The following RAI1 variants were observed in gnomAD, a reference collection of about 807,000 sequenced individuals.
RAI1 encodes retinoic acid induced 1.
In RAI1, 9 loss-of-function variants were observed where a neutral mutation model predicts 123.8. That is an observed-to-expected ratio of 0.07 (90% CI 0.04 to 0.13). The LOEUF (loss-of-function observed/expected upper bound fraction) is 0.13, where lower values mean the gene tolerates loss of function less well. RAI1 is among the 10% of genes least tolerant of loss of function. The probability of loss-of-function intolerance (pLI) is 1.00; values close to 1 mark genes in which losing one functional copy is unlikely to be tolerated. For synonymous variants in RAI1, 1,231 were observed against 1,127.3 expected (o/e 1.09, Z -1.84); for missense variants, 2,256 against 2,545.8 (o/e 0.89, Z 2.45).
At chr17:17,798,945 A>G (rs988589955) in intron 3 of RAI1, among the ~76,000 whole-genome samples, 7 of 152,206 alleles carry the variant, frequency 4.6e-5, no homozygotes, top group African/African-American at 1.7e-4. Flanking sequence ...TCCTGTCTCC[A>G]TTGCCTCTGG....
chr17:17,690,599 G>A (rs1029885751), intron 1 of RAI1, among the ~76,000 whole-genome samples: 2 of 152,156 alleles, frequency 1.3e-5, no homozygotes, highest in African/African-American at 4.8e-5. Flanking sequence ...GATCAAATGA[G>A]ATAGGGCCTC....
At position 17,797,807 on chromosome 17, in the gene RAI1, C is replaced by G. The variant is rs755954506; in HGVS notation, c.4859C>G (p.Ala1620Gly). 2 of 1,614,034 alleles carry G rather than the reference C, an allele frequency of 1.2e-6. No individual in the cohort carries two copies. Among genetic ancestry groups the G allele is most frequent in the East Asian group, 4.5e-5 (2 of 44,858 alleles). The change falls in exon 3 of 6, where the codon GCG becomes GGG. Residue 1620 changes from alanine to glycine, a missense_variant. Coordinates refer to ENST00000353383, the MANE Select transcript of RAI1 (RefSeq NM_030665.4). ...ICTVVNSPGD[A>G]PKPHRKPSSS... is the part of the protein sequence containing the mutation. ...ACTGTTGTCAACTCCCCTGGAGATGCGCCCAAGCCCCACAGGAAGCCTTCC... is the reference window on the plus strand; with the variant it reads ...ACTGTTGTCAACTCCCCTGGAGATGGGCCCAAGCCCCACAGGAAGCCTTCC...
chr17:17,694,165 T>C (rs986321548), intron 1 of RAI1, among the ~76,000 whole-genome samples: 1 of 152,128 alleles, frequency 6.6e-6, no homozygotes, highest in African/African-American at 2.4e-5. Context: ...CGACTTCTGC[T>C]TAGATCTGTG....
At chr17:17,752,206 C>T (rs1052149080) in intron 2 of RAI1, among the ~76,000 whole-genome samples, 1 of 152,112 alleles carries the variant, frequency 6.6e-6, no homozygotes, top group African/African-American at 2.4e-5. Flanking sequence ...GGGCGCGGGG[C>T]GGCGCGCGGG....
intron 1 of RAI1, among the ~76,000 whole-genome samples, chr17:17,698,505 G>T (rs1036446203): frequency 1.3e-5 from 2 of 152,086 alleles, no homozygotes; most frequent in African/African-American, 4.8e-5. Context: ...CCTTTATATT[G>T]AATGTGTCTG....
At chr17:17,694,306 C>T (rs1337753671) in intron 1 of RAI1, among the ~76,000 whole-genome samples, 3 of 152,168 alleles carry the variant, frequency 2.0e-5, no homozygotes, top group Non-Finnish European at 4.4e-5. Flanking sequence ...CTGCCCCCTC[C>T]TCGTCGCGGT....
chr17:17,690,722 C>CT (rs1397073636), intron 1 of RAI1, among the ~76,000 whole-genome samples: 1 of 152,196 alleles, frequency 6.6e-6, no homozygotes, highest in East Asian at 1.9e-4. Flanking sequence ...TGAAAGATTT[C>CT]TTAGGAGCTA....
Position 17,797,344 on chromosome 17 carries a change from C to T in RAI1, c.4396C>T (p.Arg1466Trp), listed in dbSNP as rs773428107. 24 of 1,612,164 alleles carry T rather than the reference C, an allele frequency of 1.5e-5. No homozygotes were observed. Among genetic ancestry groups the T allele is most frequent in the Admixed American group, 8.3e-5 (5 of 59,916 alleles). ...ACTCTCCAAAGGCCCGCTGGAGAAG[C>T]GGCCCTATCTTGGCCCGGCTCTGCT... ...HGLSKGPLEK[R>W]PYLGPALLLT... Residue 1466 changes from arginine (R) to tryptophan (W), a missense_variant, in exon 3 of 6, where the codon CGG becomes TGG. Physicochemically the swap from Arg to Trp is moderately radical, Grantham distance 101 (BLOSUM62 -3). Coordinates refer to ENST00000353383, the MANE Select transcript of RAI1 (RefSeq NM_030665.4).
intron 1 of RAI1, among the ~76,000 whole-genome samples, chr17:17,687,727 T>C (rs1021445432): frequency 2.6e-5 from 4 of 152,236 alleles, no homozygotes; most frequent in South Asian, 4.2e-4. Context: ...GAACGGGCTT[T>C]GTTGTAAGCA....
chr17:17,792,881 ATCCTCCCCTCCC>A, intron 2 of RAI1, 40 bp from the exon 3 acceptor site: 1 of 304,086 alleles, frequency 3.3e-6, no homozygotes, highest in Non-Finnish European at 6.5e-6. Context: ...CTCCCTGCCC[ATCCTCCCCTCCC>A]TCCTTCCCTC....
intron 2 of RAI1, among the ~76,000 whole-genome samples, chr17:17,750,094 A>AT (rs1234092482): frequency 6.6e-6 from 1 of 152,202 alleles, no homozygotes; most frequent in African/African-American, 2.4e-5. Context: ...CTGGAAGGAG[A>AT]TATCACTTGC....
intron 2 of RAI1, among the ~76,000 whole-genome samples, chr17:17,761,124 A>G (rs2030679938): frequency 6.6e-6 from 1 of 152,222 alleles, no homozygotes; most frequent in Non-Finnish European, 1.5e-5. Context: ...TCATCTTTAC[A>G]GTGGAAATGA....
chr17:17,792,991 C>G lies in RAI1; in HGVS notation c.43C>G (p.Gln15Glu). 1 of 1,536,348 alleles carries G rather than the reference C, an allele frequency of 6.5e-7. No homozygotes were observed. The highest frequency in any genetic ancestry group is 1.1e-5 in the South Asian group (1 of 90,132). Residue 15 changes from glutamine to glutamate, a missense_variant, in exon 3 of 6, where the codon CAG becomes GAG. This residue lies in a region of RAI1 where 336 missense variants were observed against 349.8 expected (regional missense o/e 0.96). Transcript: ENST00000353383. ...AAGGTGTGGTTTCCATGGCAAACAA[C>G]AGAACTACCAGCAGACCTCGCAGGA... ...RERCGFHGKQ[Q>E]NYQQTSQETS...
In RAI1 at chr17:17,796,768, T is replaced by C. The variant is rs571691450; in HGVS notation, c.3820T>C (p.Ser1274Pro). 19 of 1,613,056 alleles carry C rather than the reference T, an allele frequency of 1.2e-5. No individual in the cohort carries two copies. In the East Asian group the frequency reaches 3.1e-4, roughly 27 times the overall value. Residue 1274 changes from serine (S) to proline (P), a missense_variant, in exon 3 of 6, where the codon TCT (serine) becomes CCT (proline). Physicochemically the swap from Ser to Pro is moderately conservative, Grantham distance 74. Around this residue, in one of 7 missense-constraint regions of RAI1, gnomAD observed 322 missense variants for 358.0 expected, o/e 0.90. Transcript: ENST00000353383. The surrounding 1 kb of genome is among the most constrained non-coding windows in gnomAD (Gnocchi z 5.8). ...EGSPTLFKRM[S>P]SPKKAKPTKG... ...TTCCCCCACCCTCTTCAAGAGGATG[T>C]CTTCTCCCAAGAAAGCCAAGCCCAC... is the stretch of plus-strand genomic sequence containing the variant.
At chr17:17,785,895 C>G (rs973789681) in intron 2 of RAI1, among the ~76,000 whole-genome samples, 4 of 152,214 alleles carry the variant, frequency 2.6e-5, no homozygotes, top group African/African-American at 9.7e-5. Flanking sequence ...ACCCCAGGAG[C>G]TTGTGATCAA....
rs1429662998 is a variant in RAI1, at chr17:17,681,772, C to T, written c.-170C>T. On this transcript the variant is annotated 5_prime_UTR_variant, in exon 1 of 6. Transcript: ENST00000353383. ...AGTCGCAGCGCCAGACCCAAGGCCCCCGAGTGAGCGCGGGCGCCGAGGTGA... is the reference window on the plus strand; with the variant it reads ...AGTCGCAGCGCCAGACCCAAGGCCCTCGAGTGAGCGCGGGCGCCGAGGTGA... The T allele has an allele frequency of 1.2e-5, 4 of 327,864 alleles. No homozygotes were observed. Among genetic ancestry groups the T allele is most frequent in the Non-Finnish European group, 2.2e-5 (4 of 179,842 alleles). The allele number at this position is 327,864 out of a possible 1,614,324, so 20.3% of individuals were successfully genotyped here.
At chr17:17,782,820 G>A (rs1339075718) in intron 2 of RAI1, among the ~76,000 whole-genome samples, 2 of 152,174 alleles carry the variant, frequency 1.3e-5, no homozygotes, top group East Asian at 1.9e-4. Flanking sequence ...GCGCCAAGAG[G>A]GCAGCACGGG....
rs528269406 is a variant in RAI1, at chr17:17,810,222, G to A, written c.*241G>A. 76 of 587,006 alleles carry A rather than the reference G, an allele frequency of 1.3e-4. No homozygotes were observed. The highest frequency in any genetic ancestry group is 1.1e-3 in the African/African-American group (57 of 50,774). The allele number at this position is 587,006 out of a possible 1,614,324, so 36.4% of individuals were successfully genotyped here. ...CTCCCGGAACCGGACGGCACAGGGC[G>A]TTCTTGCCCACCCCAGGGGCCAGGC... On this transcript the variant is annotated 3_prime_UTR_variant, in exon 6 of 6. Transcript: ENST00000353383. The surrounding 1 kb of genome is among the most constrained non-coding windows in gnomAD (Gnocchi z 4.6).
At chr17:17,766,920 A>G (rs2030956541) in intron 2 of RAI1, among the ~76,000 whole-genome samples, 2 of 147,342 alleles carry the variant, frequency 1.4e-5, no homozygotes, top group African/African-American at 5.0e-5. Flanking sequence ...TTGGAAGCCC[A>G]TGGGTTGCGA....
Sources: allele counts gnomAD v4.1 joint callset (sites outside exome capture counted in the v4.1 genomes callset), GRCh38; gene constraint gnomAD v4.1.1; regional missense constraint gnomAD v4.1.1; non-coding constraint Gnocchi (gnomAD v3.1); transcripts MANE v1.5; gene names NCBI Gene and HGNC (gene_info 2026-07-23, HGNC 2026-07-21).